RBFOX1: variants seen among roughly 807,000 people sequenced by gnomAD.
RBFOX1 encodes RNA binding protein fox-1 homolog 1.
In RBFOX1, 8 loss-of-function variants were observed where a neutral mutation model predicts 57.7. That is an observed-to-expected ratio of 0.14 (90% confidence interval 0.08 to 0.25). The LOEUF (loss-of-function observed/expected upper bound fraction) is 0.25. Ranked by LOEUF, RBFOX1 falls within the 10% of genes least tolerant of loss-of-function variation. RBFOX1 has a pLI of 1.00. For synonymous variants in RBFOX1, 326 were observed against 222.4 expected (o/e 1.47, Z -4.15); for missense variants, 611 against 548.5 (o/e 1.11, Z -1.14).
intron 2 of RBFOX1, among the ~76,000 whole-genome samples, chr16:5,516,566 G>T (rs1441928923): frequency 6.6e-6 from 1 of 152,182 alleles, no homozygotes; most frequent in Admixed American, 6.5e-5. Context: ...TCAAGACAGT[G>T]ATTCTTTTTT....
At chr16:6,701,086 C>G (rs1038462915) in intron 3 of RBFOX1, among the ~76,000 whole-genome samples, 5 of 151,862 alleles carry the variant, frequency 3.3e-5, no homozygotes, top group Non-Finnish European at 5.9e-5. Context: ...TCAGCTGACC[C>G]ATTGGGGAGC....
intron 2 of RBFOX1, among the ~76,000 whole-genome samples, chr16:6,600,107 A>C (rs950515422): frequency 1.3e-5 from 2 of 152,152 alleles, no homozygotes; most frequent in African/African-American, 4.8e-5. Context: ...TTTCAAGCTC[A>C]TTTTTCTCAC....
chr16:6,595,930 A>G (rs1303978388), intron 2 of RBFOX1, among the ~76,000 whole-genome samples: 5 of 151,982 alleles, frequency 3.3e-5, no homozygotes, highest in Non-Finnish European at 7.4e-5. Flanking sequence ...ATTAAGTTTT[A>G]TTGTTGGAAA....
intron 11 of RBFOX1, among the ~76,000 whole-genome samples, chr16:7,651,782 G>A (rs1190444669): frequency 6.6e-6 from 1 of 152,236 alleles, no homozygotes; most frequent in Non-Finnish European, 1.5e-5. Context: ...TTCATGGTGG[G>A]CCTTTTGAGC....
intron 3 of RBFOX1, among the ~76,000 whole-genome samples, chr16:5,728,849 A>G (rs2052252282): frequency 1.3e-5 from 2 of 152,216 alleles, no homozygotes; most frequent in South Asian, 4.1e-4. Context: ...ATCACCTTTA[A>G]GTCTGCCCAT....
At position 6,357,605 on chromosome 16, in the gene RBFOX1, C is replaced by T. The variant is rs559164212; in HGVS notation, c.-64+40548C>T. Among the ~76,000 whole-genome samples the T allele has an allele frequency of 1.1e-4, 16 of 151,542 alleles. No homozygotes were observed. In the East Asian group the frequency reaches 2.7e-3, roughly 26 times the overall value. On this transcript the variant is annotated intron_variant, in intron 2 of 15. Transcript: ENST00000550418. ...TCGCTGTCTCGCTCCCTCTTGCTCC[C>T]GCTTGTGCTCTCTCTCTCTCTGTCT... is the stretch of plus-strand genomic sequence containing the variant.
At chr16:6,217,920 G>A (rs373475483) in intron 1 of RBFOX1, among the ~76,000 whole-genome samples, 240 of 152,320 alleles carry the variant, frequency 1.6e-3, no homozygotes, top group African/African-American at 5.3e-3. Context: ...GGAAGCTGAG[G>A]CATGAGAATC....
At chr16:5,320,692 CT>C (rs1190125758) in intron 1 of RBFOX1, among the ~76,000 whole-genome samples, 1 of 152,178 alleles carries the variant, frequency 6.6e-6, no homozygotes, top group Non-Finnish European at 1.5e-5. Context: ...CGGGAATCTT[CT>C]TGTGTGACTG....
intron 2 of RBFOX1, among the ~76,000 whole-genome samples, chr16:6,522,114 A>C (rs959270946): frequency 4.5e-4 from 68 of 151,742 alleles, no homozygotes; most frequent in Admixed American, 4.5e-3. Flanking sequence ...CAATTTCCAA[A>C]GATTATGCAG....
At chr16:5,536,095 G>GC (rs566153291) in intron 2 of RBFOX1, among the ~76,000 whole-genome samples, 5,737 of 47,964 alleles carry the variant, frequency 0.12, 144 homozygotes, top group East Asian at 0.44. Flanking sequence ...AAGTCATCAA[G>GC]CCCCCCCCCC....
At chr16:5,700,909 C>T (rs2051023861) in intron 3 of RBFOX1, among the ~76,000 whole-genome samples, 1 of 152,172 alleles carries the variant, frequency 6.6e-6, no homozygotes, top group Admixed American at 6.5e-5. Context: ...GCTGTGGTGT[C>T]ACCCATAGTG....
At chr16:7,498,297 G>C (rs2069379876) in intron 4 of RBFOX1, among the ~76,000 whole-genome samples, 1 of 152,074 alleles carries the variant, frequency 6.6e-6, no homozygotes, top group Admixed American at 6.6e-5. Flanking sequence ...AATTTAAATA[G>C]TCTAAGTTCA....
At chr16:5,759,517 A>C (rs1529918) in intron 3 of RBFOX1, among the ~76,000 whole-genome samples, 84,687 of 152,124 alleles carry the variant, frequency 0.56, 27,266 homozygotes, top group African/African-American at 0.89. Context: ...CCTTCAGCCC[A>C]TGCAAATTCA....
intron 4 of RBFOX1, among the ~76,000 whole-genome samples, chr16:7,364,812 C>A (rs947980946): frequency 6.6e-6 from 1 of 152,076 alleles, no homozygotes; most frequent in African/African-American, 2.4e-5. Flanking sequence ...TTTAGAGCTC[C>A]CATTGTGAGG....
intron 4 of RBFOX1, among the ~76,000 whole-genome samples, chr16:7,439,548 C>G (rs1005718992): frequency 1.3e-5 from 2 of 152,140 alleles, no homozygotes; most frequent in African/African-American, 4.8e-5. Flanking sequence ...TTGCAAATAT[C>G]TCCCTTAAAG....
At chr16:7,628,578 G>A (rs751099142) in intron 10 of RBFOX1, among the ~76,000 whole-genome samples, 1 of 152,018 alleles carries the variant, frequency 6.6e-6, no homozygotes, top group Non-Finnish European at 1.5e-5. Context: ...CCTGAGGCGA[G>A]GTTAAACCAT....
intron 2 of RBFOX1, among the ~76,000 whole-genome samples, chr16:6,362,266 C>T (rs1281454711): frequency 6.6e-6 from 1 of 151,740 alleles, no homozygotes; most frequent in African/African-American, 2.4e-5. Flanking sequence ...GTTTCTAATG[C>T]CCGTCCTTCC....
chr16:5,255,178 C>G (rs1347834579), intron 1 of RBFOX1, among the ~76,000 whole-genome samples: 1 of 152,194 alleles, frequency 6.6e-6, no homozygotes, highest in African/African-American at 2.4e-5. Context: ...TACCCATAAT[C>G]ATGAGTATTA....
At position 7,629,581 on chromosome 16, in the gene RBFOX1, T is replaced by G. The variant is rs559371185; in HGVS notation, c.677-1022T>G. Among the ~76,000 whole-genome samples, 4 of 152,256 alleles carry G rather than the reference T, an allele frequency of 2.6e-5. No individual in the cohort carries two copies. The East Asian group carries it at 7.7e-4, about 29-fold the overall frequency. ...GTAATGGCCTTAAAACTCCTCAGAA[T>G]TCTAATTATTTTCAAAGTCTTGGAG... On this transcript the variant is annotated intron_variant, in intron 10 of 15. Coordinates refer to ENST00000550418, the MANE Select transcript of RBFOX1 (RefSeq NM_018723.4).
Sources: allele counts gnomAD v4.1 joint callset (sites outside exome capture counted in the v4.1 genomes callset), GRCh38; gene constraint gnomAD v4.1.1; transcripts MANE v1.5; gene names NCBI Gene and HGNC (gene_info 2026-07-23, HGNC 2026-07-21).